Variants in ZNF624 observed in about 807,000 individuals in gnomAD.
The protein encoded by ZNF624 is zinc finger protein 624.
A neutral mutation model predicts 74.7 loss-of-function variants in ZNF624; 43 were observed. That is an observed-to-expected ratio of 0.58 (90% CI 0.45 to 0.74). The LOEUF (loss-of-function observed/expected upper bound fraction) is 0.74, where lower values mean the gene tolerates loss of function less well. ZNF624 is among the 30% of genes least tolerant of loss of function. The pLI is 0.00. For synonymous variants in ZNF624, 331 were observed against 341.3 expected (o/e 0.97, Z 0.33); for missense variants, 820 against 1,030.0 (o/e 0.80, Z 2.79).
rs1479273489 is a variant in ZNF624 at position 16,653,749 on chromosome 17, C to G, written c.-3+15G>C. The G allele has an allele frequency of 6.5e-6, 1 of 152,820 alleles. No individual in the cohort carries two copies. The highest frequency in any genetic ancestry group is 1.5e-5 in the Non-Finnish European group (1 of 68,172). The allele number at this position is 152,820 out of a possible 1,614,324, so 9.5% of individuals were successfully genotyped here. On this transcript the variant is annotated intron_variant, in intron 1 of 5. Transcript: ENST00000311331. ...CGGCGGGCAACCGAGGCCAGGCGCC[C>G]GGGACAACGAGTACCTGGCGGCCGA... is the stretch of plus-strand genomic sequence containing the variant.
Position 16,624,286 on chromosome 17 carries a change from T to C in ZNF624, c.600A>G (p.Gln200=). The stretch of plus-strand genomic sequence containing the variant: ...GAATAGATTCAAATCTAAAGCCTCT[T>C]TGACTAGTGGGAGTCTTCTTGAGTG... ...IIPLKKTPTS[Q]RGFRFESILI... is the part of the protein sequence containing the mutation. Residue 200 remains glutamine, a synonymous_variant, in exon 6 of 6, where the codon CAA becomes CAG. Transcript: ENST00000311331. The C allele has an allele frequency of 6.2e-7, 1 of 1,614,018 alleles. No homozygotes were observed. Among genetic ancestry groups the C allele is most frequent in the Non-Finnish European group, 8.5e-7 (1 of 1,179,996 alleles).
At chr17:16,617,810 G>A (rs1261271451), downstream of ZNF624, 2 of 1,612,026 alleles carry the variant, frequency 1.2e-6, no homozygotes, top group Non-Finnish European at 8.5e-7. Flanking sequence ...GGCGGCCATA[G>A]CCACTGAAAA....
At chr17:16,617,197 C>A (rs1441477540), downstream of ZNF624, 27 of 1,612,492 alleles carry the variant, frequency 1.7e-5, no homozygotes, top group Middle Eastern at 2.1e-4. Context: ...ACCTTTGCTC[C>A]GCGACCTGGA....
intron 3 of ZNF624, among the ~76,000 whole-genome samples, chr17:16,637,949 A>C (rs1410181823): frequency 1.3e-5 from 2 of 152,140 alleles, no homozygotes; most frequent in Non-Finnish European, 2.9e-5. Flanking sequence ...AATGGGAGAA[A>C]ATTTTTGCAA....
chr17:16,617,876 C>T (rs1248341957), downstream of ZNF624: 4 of 1,597,120 alleles, frequency 2.5e-6, no homozygotes, highest in Non-Finnish European at 3.4e-6. Flanking sequence ...TGTAGACGCG[C>T]GGCATGTCCG....
chr17:16,640,670 G>C (rs1909446220), intron 3 of ZNF624, among the ~76,000 whole-genome samples: 1 of 152,118 alleles, frequency 6.6e-6, no homozygotes, highest in South Asian at 2.1e-4. Flanking sequence ...TCGTAGAAAG[G>C]CATTAACTAC....
At chr17:16,650,411 T>TACAATAATAATAATAATA (rs376534840) in intron 1 of ZNF624, among the ~76,000 whole-genome samples, 1 of 148,054 alleles carries the variant, frequency 6.8e-6, no homozygotes, top group African/African-American at 2.5e-5. Flanking sequence ...AGGAAGCAGG[T>TACAATAATAATAATAATA]ATAATAATAA....
downstream of ZNF624, among the ~76,000 whole-genome samples, chr17:16,616,550 A>C (rs1387730780): frequency 1.3e-5 from 2 of 151,892 alleles, no homozygotes; most frequent in African/African-American, 4.9e-5. Flanking sequence ...TGAAATACTT[A>C]AAACAAACAA....
chr17:16,641,457 A>AT (rs372224141), intron 3 of ZNF624, among the ~76,000 whole-genome samples: 1 of 151,716 alleles, frequency 6.6e-6, no homozygotes, highest in Non-Finnish European at 1.5e-5. Context: ...TAATTTTTGT[A>AT]TTTTTTAGTA....
At position 16,622,910 on chromosome 17, in the gene ZNF624, T is replaced by C. The variant is rs756001816; in HGVS notation, c.1976A>G (p.Gln659Arg). The change falls in exon 6 of 6, where the codon CAG becomes CGG. Residue 659 changes from glutamine (Q) to arginine (R), a missense_variant. Transcript: ENST00000311331. ...FRTKSYLIVH[Q>R]RTHTGEKPYK... ...TGGTTTTTCTCCAGTATGGGTCCTCTGATGTACAATAAGGTATGATTTAGT... is the reference window on the plus strand; with the variant it reads ...TGGTTTTTCTCCAGTATGGGTCCTCCGATGTACAATAAGGTATGATTTAGT... 197 of 1,613,980 alleles carry C rather than the reference T, an allele frequency of 1.2e-4. No individual in the cohort carries two copies. In the Admixed American group the frequency reaches 2.5e-3, roughly 20 times the overall value.
downstream of ZNF624, chr17:16,617,756 G>A (rs1908822275): frequency 2.5e-6 from 4 of 1,605,830 alleles, no homozygotes; most frequent in East Asian, 6.7e-5. Flanking sequence ...GGGAGTCCTC[G>A]AACTCCACGA....
rs113444286 is a variant in ZNF624 at position 16,635,879 on chromosome 17, GA to G, written c.154-1124del. Among the ~76,000 whole-genome samples, 389 of 116,116 alleles carry G rather than the reference GA, an allele frequency of 3.4e-3. 2 individuals are homozygous for G. Among genetic ancestry groups the G allele is most frequent in the Middle Eastern group, 0.024 (5 of 212 alleles). 76.2% of individuals were successfully genotyped at this position (116,116 alleles called of 152,430 possible). A position where few individuals can be genotyped will look rare whatever the true frequency, so the allele number is the denominator to read the frequency against. On this transcript the variant is annotated intron_variant, in intron 3 of 5. Coordinates refer to ENST00000311331, the MANE Select transcript of ZNF624 (RefSeq NM_020787.4). Reference sequence around the variant, plus strand: ...TAGAGATTCATGAAGCATTTTAAGAGAAAAAAAAAAAAAAACACATTTCCTA... The same window carrying G: ...TAGAGATTCATGAAGCATTTTAAGAGAAAAAAAAAAAAAACACATTTCCTA...
At chr17:16,626,668 C>T (rs1909080071) in intron 5 of ZNF624, among the ~76,000 whole-genome samples, 1 of 152,164 alleles carries the variant, frequency 6.6e-6, no homozygotes, top group Admixed American at 6.5e-5. Context: ...TGGAGGATCC[C>T]CTGAGCCCAG....
chr17:16,651,007 T>C (rs1445338964), intron 1 of ZNF624, among the ~76,000 whole-genome samples: 5 of 152,216 alleles, frequency 3.3e-5, no homozygotes, highest in African/African-American at 1.2e-4. Context: ...TAAAGCAAGG[T>C]TATCAAGAAT....
At chr17:16,626,668 CCT>C (rs922881467) in intron 5 of ZNF624, among the ~76,000 whole-genome samples, 2 of 152,164 alleles carry the variant, frequency 1.3e-5, no homozygotes, top group African/African-American at 2.4e-5. Context: ...TGGAGGATCC[CCT>C]GAGCCCAGGA....
chr17:16,630,231 A>C (rs2142591298), intron 5 of ZNF624, among the ~76,000 whole-genome samples: 1 of 152,248 alleles, frequency 6.6e-6, no homozygotes, highest in East Asian at 1.9e-4. Flanking sequence ...TCCTCCCAAA[A>C]TGAAGGCCAA....
chr17:16,651,405 GGGCGACACAGCGAGACTCCATC>G lies in ZNF624; in HGVS notation c.-2-1681_-2-1660del, dbSNP rs1189115521. On this transcript the variant is annotated intron_variant, in intron 1 of 5. Transcript: ENST00000311331. ...AGATTGTGTCACTGCACTCCTGCCT[GGGCGACACAGCGAGACTCCATC>G]TCAAAAAAAAAAAAAAAAAGTGAGT... 1.2e-3 allele frequency among the ~76,000 whole-genome samples: 188 copies of G among 150,528 alleles called. 1 individual carries two copies. The highest frequency in any genetic ancestry group is 4.5e-3 in the African/African-American group (184 of 40,710).
At chr17:16,635,058 G>A (rs945937618) in intron 3 of ZNF624, among the ~76,000 whole-genome samples, 2 of 152,064 alleles carry the variant, frequency 1.3e-5, no homozygotes, top group East Asian at 1.9e-4. Context: ...CAAACAGCAC[G>A]GTTTCCTCCT....
Position 16,623,530 on chromosome 17 carries a change from A to T in ZNF624, c.1356T>A (p.Ser452=), listed in dbSNP as rs1243510349. ...KPYQCNECGK[S]FKNTTIFNVH... is the part of the protein sequence containing the mutation. The stretch of plus-strand genomic sequence containing the variant: ...CATTAAAAATTGTGGTATTCTTAAA[A>T]GACTTCCCACACTCGTTGCACTGAT... Residue 452 remains serine, a synonymous_variant, in exon 6 of 6, where the codon TCT becomes TCA. Coordinates refer to ENST00000311331, the MANE Select transcript of ZNF624 (RefSeq NM_020787.4). The surrounding 1 kb of genome is among the most constrained non-coding windows in gnomAD (Gnocchi z 5.3). The T allele has an allele frequency of 6.2e-7, 1 of 1,610,292 alleles. No individual in the cohort carries two copies. Among genetic ancestry groups the T allele is most frequent in the Admixed American group, 1.7e-5 (1 of 59,344 alleles).
Sources: allele counts gnomAD v4.1 joint callset (sites outside exome capture counted in the v4.1 genomes callset), GRCh38; gene constraint gnomAD v4.1.1; non-coding constraint Gnocchi (gnomAD v3.1); transcripts MANE v1.5; gene names NCBI Gene and HGNC (gene_info 2026-07-23, HGNC 2026-07-21).